CLEC1A: variants seen among roughly 807,000 people sequenced by gnomAD.
CLEC1A encodes C-type lectin domain family 1 member A.
A neutral mutation model predicts 28.7 loss-of-function variants in CLEC1A; 34 were observed. The observed-to-expected ratio is 1.18, with a 90% CI of 0.90 to 1.57. The LOEUF (loss-of-function observed/expected upper bound fraction) is 1.57, where lower values mean the gene tolerates loss of function less well. CLEC1A is among the 40% of genes most tolerant of loss of function. The pLI, the probability that CLEC1A is intolerant of heterozygous loss-of-function variation, is 0.00. For synonymous variants in CLEC1A, 116 were observed against 121.0 expected, an observed-to-expected ratio of 0.96 and a Z score of 0.27; for missense variants, 385 against 339.5, an observed-to-expected ratio of 1.13 and a Z score of -1.05.
At chr12:10,092,862 T>G (rs1449934937) in intron 1 of CLEC1A, among the ~76,000 whole-genome samples, 1 of 152,196 alleles carries the variant, frequency 6.6e-6, no homozygotes, top group Non-Finnish European at 1.5e-5. Flanking sequence ...CTTTCTCTGA[T>G]CAAATTTTCA....
chr12:10,073,538 T>G, intron 4 of CLEC1A, 127 bp from the exon 5 acceptor site: 1 of 666,028 alleles, frequency 1.5e-6, no homozygotes, highest in South Asian at 2.2e-5. Context: ...GATGCTCATA[T>G]GCTTAAGAGA....
intron 2 of CLEC1A, among the ~76,000 whole-genome samples, chr12:10,084,970 A>T (rs772387380): frequency 6.6e-6 from 1 of 152,066 alleles, no homozygotes; most frequent in Non-Finnish European, 1.5e-5. Flanking sequence ...ACCCTCCTCA[A>T]ACAAAATTTT....
At chr12:10,093,327 G>A (rs1387404416) in intron 1 of CLEC1A, among the ~76,000 whole-genome samples, 1 of 142,516 alleles carries the variant, frequency 7.0e-6, no homozygotes. Flanking sequence ...GTGTGGACAG[G>A]CCAAGGAATG....
At chr12:10,083,767 C>T (rs1276078298) in intron 2 of CLEC1A, among the ~76,000 whole-genome samples, 1 of 152,054 alleles carries the variant, frequency 6.6e-6, no homozygotes, top group Non-Finnish European at 1.5e-5. Context: ...GCCACCATGT[C>T]CGGCCTAAAC....
At position 10,073,102 on chromosome 12, in the gene CLEC1A, C is replaced by A. The variant is rs965774541; in HGVS notation, c.662+191G>T. On this transcript the variant is annotated intron_variant, in intron 5 of 5. Transcript: ENST00000315330. The stretch of plus-strand genomic sequence containing the variant: ...CTCAAAAAACAATCAAACGAACAAA[C>A]ACACACACACACACAAACAAAATGA... Among the ~76,000 whole-genome samples the A allele has an allele frequency of 2.6e-5, 4 of 151,228 alleles. No homozygotes were observed. In the East Asian group the frequency reaches 7.7e-4, roughly 29 times the overall value.
intron 3 of CLEC1A, among the ~76,000 whole-genome samples, chr12:10,079,791 T>C (rs1325433731): frequency 6.6e-6 from 1 of 151,480 alleles, no homozygotes; most frequent in Non-Finnish European, 1.5e-5. Context: ...TGCACTCCAG[T>C]CTAGGTGACA....
In CLEC1A at chr12:10,073,401, G is replaced by A. The variant is rs138928396; in HGVS notation, c.554C>T (p.Ala185Val). The A allele has an allele frequency of 9.2e-5, 148 of 1,612,128 alleles. No homozygotes were observed. The African/African-American group carries it at 1.6e-3, about 17-fold the overall frequency. Residue 185 changes from alanine (A) to valine (V), a missense_variant, in exon 5 of 6, where the codon GCG becomes GTG. Physicochemically the swap from Ala to Val is moderately conservative, Grantham distance 64. Coordinates refer to ENST00000315330, the MANE Select transcript of CLEC1A (RefSeq NM_016511.4). ...GAAAAACTCAGAGTAGCTCTGAGACGCGGCAAATTCCTGTGAAAAGCACAT... is the reference window on the plus strand; with the variant it reads ...GAAAAACTCAGAGTAGCTCTGAGACACGGCAAATTCCTGTGAAAAGCACAT... ...INKQEDLEFAASQSYSEFFYS... is the reference protein window; with the variant it reads ...INKQEDLEFAVSQSYSEFFYS...
rs377493393 is a variant in CLEC1A at position 10,078,649 on chromosome 12, G to T, written c.391+2588C>A. 1.6e-4 allele frequency among the ~76,000 whole-genome samples: 24 copies of T among 152,292 alleles called. 1 individual carries two copies. In the East Asian group the frequency reaches 4.4e-3, roughly 28 times the overall value. On this transcript the variant is annotated intron_variant, in intron 3 of 5. Coordinates refer to ENST00000315330, the MANE Select transcript of CLEC1A (RefSeq NM_016511.4). ...TATACCTGGGACCTAGAGTTTCCCAGAATGTGGGACTTTTAGTACTAAAAT... is the reference window on the plus strand; with the variant it reads ...TATACCTGGGACCTAGAGTTTCCCATAATGTGGGACTTTTAGTACTAAAAT...
chr12:10,090,824 A>T (rs149708474), intron 1 of CLEC1A, among the ~76,000 whole-genome samples: 762 of 13,078 alleles, frequency 0.058, 5 homozygotes, highest in Middle Eastern at 0.25. Flanking sequence ...TCCTTTTTTT[A>T]AAAAAAATGG....
chr12:10,077,263 T>C (rs1866270175), intron 3 of CLEC1A, among the ~76,000 whole-genome samples: 1 of 152,264 alleles, frequency 6.6e-6, no homozygotes, highest in Middle Eastern at 3.4e-3. Flanking sequence ...ACTTAAACCA[T>C]TGGAGGAGGA....
chr12:10,078,521 G>A (rs575649209), intron 3 of CLEC1A, among the ~76,000 whole-genome samples: 2 of 152,266 alleles, frequency 1.3e-5, no homozygotes, highest in South Asian at 4.1e-4. Flanking sequence ...AGTAGCAACA[G>A]ACTACCCTGG....
At position 10,085,195 on chromosome 12, in the gene CLEC1A, TAAC is replaced by T. The variant is rs1220178191; in HGVS notation, c.215-3785_215-3783del. On this transcript the variant is annotated intron_variant, in intron 2 of 5. Transcript: ENST00000315330. ...AAATCTCACAGGACCTATAAGACAATAACACACACACACACACACACACACACA... is the reference window on the plus strand; with the variant it reads ...AAATCTCACAGGACCTATAAGACAATACACACACACACACACACACACACA... Among the ~76,000 whole-genome samples the T allele has an allele frequency of 6.1e-5, 4 of 65,242 alleles. No individual in the cohort carries two copies. The East Asian group carries it at 2.1e-3, about 34-fold the overall frequency. 42.8% of individuals were successfully genotyped at this position (65,242 alleles called of 152,430 possible). A position where few individuals can be genotyped will look rare whatever the true frequency, so the allele number is the denominator to read the frequency against.
At chr12:10,073,769 T>C (rs1866190753) in intron 4 of CLEC1A, among the ~76,000 whole-genome samples, 2 of 151,898 alleles carry the variant, frequency 1.3e-5, no homozygotes, top group South Asian at 4.2e-4. Flanking sequence ...TTCTGGGACA[T>C]GGAAGAATAT....
At chr12:10,085,011 T>C (rs148022464) in intron 2 of CLEC1A, among the ~76,000 whole-genome samples, 1 of 151,938 alleles carries the variant, frequency 6.6e-6, no homozygotes. Flanking sequence ...CCAGTGAAAC[T>C]GAGATTCATA....
intron 2 of CLEC1A, among the ~76,000 whole-genome samples, chr12:10,087,194 G>C (rs1313098872): frequency 2.4e-5 from 2 of 83,026 alleles, no homozygotes; most frequent in African/African-American, 9.6e-5. Flanking sequence ...GACAGTGTAA[G>C]ACTCCATCTC....
In CLEC1A at chr12:10,075,667, G is replaced by T; in HGVS notation, c.392-12C>A. ...GCTGCACCTGTGTGCTTGGAAAAAAGCCAATTTTATTGTTATTTTCTGCAT... is the reference window on the plus strand; with the variant it reads ...GCTGCACCTGTGTGCTTGGAAAAAATCCAATTTTATTGTTATTTTCTGCAT... On this transcript the variant is annotated splice_polypyrimidine_tract_variant and intron_variant, in intron 3 of 5. Transcript: ENST00000315330. 1 of 1,610,634 alleles carries T rather than the reference G, an allele frequency of 6.2e-7. No homozygotes were observed. Among genetic ancestry groups the T allele is most frequent in the South Asian group, 1.1e-5 (1 of 90,246 alleles).
At chr12:10,078,373 T>C (rs1425764724) in intron 3 of CLEC1A, among the ~76,000 whole-genome samples, 3 of 152,356 alleles carry the variant, frequency 2.0e-5, no homozygotes, top group African/African-American at 2.4e-5. Context: ...GATACATTCA[T>C]GTTTTAAGGC....
intron 1 of CLEC1A, among the ~76,000 whole-genome samples, chr12:10,089,713 AATTGCATGTT>A (rs998790175): frequency 3.9e-5 from 6 of 152,144 alleles, no homozygotes; most frequent in Non-Finnish European, 7.4e-5. Context: ...CTAAAAGGCA[AATTGCATGTT>A]AGTAATGGGA....
chr12:10,073,309 G>C lies in CLEC1A; in HGVS notation c.646C>G (p.Pro216Ala). ...AAGGCTTACAGTTCAGAAGTGAAAGGGGTTCCATCCATCCACAGCCAGGCC... is the reference window on the plus strand; with the variant it reads ...AAGGCTTACAGTTCAGAAGTGAAAGCGGTTCCATCCATCCACAGCCAGGCC... The part of the protein sequence containing the change: ...GKAWLWMDGT[P>A]FTSELFHIII... The change falls in exon 5 of 6, where the codon CCT becomes GCT. Residue 216 changes from proline (P) to alanine (A), a missense_variant. Transcript: ENST00000315330. 2 of 1,611,870 alleles carry C rather than the reference G, an allele frequency of 1.2e-6. No individual in the cohort carries two copies. The highest frequency in any genetic ancestry group is 1.7e-6 in the Non-Finnish European group (2 of 1,178,026).
Sources: allele counts gnomAD v4.1 joint callset (sites outside exome capture counted in the v4.1 genomes callset), GRCh38; gene constraint gnomAD v4.1.1; transcripts MANE v1.5; gene names NCBI Gene and HGNC (gene_info 2026-07-23, HGNC 2026-07-21).